Variants in MBTPS1 observed in about 807,000 individuals in gnomAD.
MBTPS1 encodes membrane bound transcription factor peptidase, site 1.
MBTPS1 carries 94 observed loss-of-function variants against 127.8 expected under a neutral mutation model. The observed-to-expected ratio is 0.74, with a 90% CI of 0.62 to 0.87. MBTPS1 has a LOEUF of 0.87. MBTPS1 is among the 40% of genes least tolerant of loss of function. The pLI is 0.00. For missense variants in MBTPS1, 1,636 were observed against 1,353.2 expected (o/e 1.21, Z -3.28); for synonymous variants, 632 against 509.4 (o/e 1.24, Z -3.24).
At chr16:84,088,678 C>G (rs899556300) in intron 8 of MBTPS1, among the ~76,000 whole-genome samples, 5 of 152,160 alleles carry the variant, frequency 3.3e-5, no homozygotes, top group African/African-American at 1.2e-4. Flanking sequence ...CTAGGAGCAC[C>G]AAGGGCACAG....
At chr16:84,103,481 A>G (rs1404017661) in intron 1 of MBTPS1, among the ~76,000 whole-genome samples, 2 of 152,126 alleles carry the variant, frequency 1.3e-5, no homozygotes, top group African/African-American at 4.8e-5. Context: ...GCTGGTCTCA[A>G]ACTCAGGTGA....
At chr16:84,107,981 T>C (rs143443752) in intron 1 of MBTPS1, among the ~76,000 whole-genome samples, 382 of 150,336 alleles carry the variant, frequency 2.5e-3, no homozygotes, top group African/African-American at 9.2e-3. Flanking sequence ...GTTGGGATTA[T>C]AGGCATGAGC....
At chr16:84,115,025 T>C (rs188424552) in intron 1 of MBTPS1, among the ~76,000 whole-genome samples, 96 of 151,618 alleles carry the variant, frequency 6.3e-4, no homozygotes, top group African/African-American at 2.3e-3. Flanking sequence ...GCCGCCTGGG[T>C]TCAAGGGATT....
chr16:84,091,231 A>G (rs1199476646), intron 7 of MBTPS1, among the ~76,000 whole-genome samples: 1 of 152,160 alleles, frequency 6.6e-6, no homozygotes, highest in Non-Finnish European at 1.5e-5. Context: ...CACGCCTGTA[A>G]TCCCAGCACT....
rs2086262227 is a variant in MBTPS1, at chr16:84,101,862, T to C, written c.-79A>G. On this transcript the variant is annotated 5_prime_UTR_variant, in exon 2 of 23. Transcript: ENST00000343411. ...CTTCTTGATTAAAAGTGAATTTTTGTTTCAGCTAAAAGCTGCAACATTACT... is the reference window on the plus strand; with the variant it reads ...CTTCTTGATTAAAAGTGAATTTTTGCTTCAGCTAAAAGCTGCAACATTACT... 1 of 1,407,716 alleles carries C rather than the reference T, an allele frequency of 7.1e-7. No individual in the cohort carries two copies. 87.2% of individuals were successfully genotyped at this position (1,407,716 alleles called of 1,614,324 possible).
At chr16:84,105,382 G>C (rs1215660188) in intron 1 of MBTPS1, among the ~76,000 whole-genome samples, 11 of 152,244 alleles carry the variant, frequency 7.2e-5, no homozygotes, top group Non-Finnish European at 2.9e-5. Context: ...ACAAAATGCA[G>C]GAAATGAAAA....
chr16:84,070,868 G>C (rs1001980823), intron 12 of MBTPS1, 92 bp from the exon 13 acceptor site: 13 of 1,024,888 alleles, frequency 1.3e-5, no homozygotes, highest in Middle Eastern at 2.6e-4. Flanking sequence ...TACCAAAACT[G>C]GTTCCGAGAA....
chr16:84,094,378 C>T (rs149669052), intron 4 of MBTPS1, among the ~76,000 whole-genome samples: 2,625 of 152,268 alleles, frequency 0.017, 46 homozygotes, highest in Non-Finnish European at 0.024. Flanking sequence ...ACACCACATG[C>T]GGCTAATCAC....
chr16:84,081,665 G>A, intron 11 of MBTPS1, 82 bp downstream of exon 11: 1 of 1,107,226 alleles, frequency 9.0e-7, no homozygotes. Context: ...TCTGTTTTGA[G>A]GCTTGTATTT....
At chr16:84,091,879 G>T in intron 6 of MBTPS1, 31 bp from the exon 7 acceptor site, 2 of 1,264,058 alleles carry the variant, frequency 1.6e-6, no homozygotes, top group Non-Finnish European at 2.3e-6. Context: ...TCTGCTTAGT[G>T]TTTCAATCAA....
intron 1 of MBTPS1, among the ~76,000 whole-genome samples, chr16:84,106,799 C>G: frequency 6.6e-6 from 1 of 152,188 alleles, no homozygotes; most frequent in East Asian, 1.9e-4. Context: ...AGAGAAGATG[C>G]TGGCTTGGAC....
In MBTPS1 at chr16:84,059,379, G is replaced by T; in HGVS notation, c.2754C>A (p.Asp918Glu). The change falls in exon 21 of 23, where the codon GAC (aspartate) becomes GAA (glutamate). Residue 918 changes from aspartate to glutamate, a missense_variant. Transcript: ENST00000343411. Reference protein sequence around the residue: ...YSKVLEAHLGDPKPRPLPACP... With the variant: ...YSKVLEAHLGEPKPRPLPACP... ...AGGCTGGTAGAGGCCGAGGTTTTGG[G>T]TCTCCCAAATGGGCCTCCAGAACCT... 11 of 1,614,146 alleles carry T rather than the reference G, an allele frequency of 6.8e-6. No homozygotes were observed. The highest frequency in any genetic ancestry group is 9.3e-6 in the Non-Finnish European group (11 of 1,179,998).
intron 4 of MBTPS1, among the ~76,000 whole-genome samples, chr16:84,094,970 C>T (rs551543754): frequency 3.7e-4 from 57 of 152,206 alleles, no homozygotes; most frequent in African/African-American, 1.3e-3. Context: ...ATTTAGAAGT[C>T]AAGGTAAAAA....
rs370542612 is a variant in MBTPS1 at position 84,089,109 on chromosome 16, G to GC, written c.1032-1650dup. ...AGAGCTGGGAATCCAGACAGGTATGGCCAGGAGGATGGGCAGAGGGATGGG... is the reference window on the plus strand; with the variant it reads ...AGAGCTGGGAATCCAGACAGGTATGGCCCAGGAGGATGGGCAGAGGGATGGG... On this transcript the variant is annotated intron_variant, in intron 8 of 22. Transcript: ENST00000343411. Among the ~76,000 whole-genome samples the GC allele has an allele frequency of 3.6e-3, 554 of 152,374 alleles. 4 individuals are homozygous for GC. The highest frequency in any genetic ancestry group is 0.013 in the African/African-American group (536 of 41,584).
intron 20 of MBTPS1, 131 bp downstream of exon 20, chr16:84,060,550 GC>G: frequency 9.8e-7 from 1 of 1,020,050 alleles, no homozygotes; most frequent in Non-Finnish European, 1.4e-6. Flanking sequence ...TCTACCCGCA[GC>G]CATTACGAAA....
intron 11 of MBTPS1, among the ~76,000 whole-genome samples, chr16:84,078,754 G>C: frequency 6.6e-6 from 1 of 152,222 alleles, no homozygotes; most frequent in East Asian, 1.9e-4. Context: ...AGATTTCCAG[G>C]ACGTTAAGTG....
In MBTPS1 at chr16:84,109,093, T is replaced by C. The variant is rs116118495; in HGVS notation, c.-324-6986A>G. Among the ~76,000 whole-genome samples, 396 of 152,348 alleles carry C rather than the reference T, an allele frequency of 2.6e-3. 2 individuals carry two copies. The highest frequency in any genetic ancestry group is 6.2e-3 in the African/African-American group (259 of 41,584). On this transcript the variant is annotated intron_variant, in intron 1 of 22. Coordinates refer to ENST00000343411, the MANE Select transcript of MBTPS1 (RefSeq NM_003791.4). ...CAAGGAGCCCACCTACTGCCCACAA[T>C]TGGTTCTAAATATCACTCTCCACTA...
intron 1 of MBTPS1, among the ~76,000 whole-genome samples, chr16:84,103,952 C>A (rs1461929194): frequency 1.3e-5 from 2 of 152,126 alleles, no homozygotes; most frequent in Non-Finnish European, 2.9e-5. Context: ...AAGAGCCAAA[C>A]AGAAAGATCA....
chr16:84,081,948 A>T, intron 10 of MBTPS1, 40 bp from the exon 11 acceptor site: 1 of 1,344,288 alleles, frequency 7.4e-7, no homozygotes, highest in Non-Finnish European at 9.7e-7. Flanking sequence ...TCTCTCAGTA[A>T]AAGAATGGAA....
Sources: gnomAD v4.1 joint callset for allele counts (sites outside exome capture counted in the v4.1 genomes callset) on GRCh38, gnomAD v4.1.1 for gene constraint, MANE v1.5 for transcripts, NCBI Gene and HGNC (gene_info 2026-07-23, HGNC 2026-07-21) for gene names.